HDAC9: variants seen among roughly 807,000 people sequenced by gnomAD.
HDAC9 encodes histone deacetylase 9, also known as MEF-2 interacting transcription repressor (MITR) protein.
In HDAC9, 41 loss-of-function variants were observed where a neutral mutation model predicts 139.4. The observed-to-expected ratio is 0.29, with a 90% CI of 0.23 to 0.38. HDAC9 has a LOEUF of 0.38. Among genes scored for constraint, HDAC9 ranks in the 10% least tolerant of loss-of-function variants. The pLI is 1.00. For synonymous variants in HDAC9, 517 were observed against 476.2 expected (o/e 1.09, Z -1.12); for missense variants, 1,147 against 1,297.0 (o/e 0.88, Z 1.78).
At chr7:18,786,986 C>T (rs1156311849) in intron 16 of HDAC9, among the ~76,000 whole-genome samples, 2 of 151,990 alleles carry the variant, frequency 1.3e-5, no homozygotes, top group Non-Finnish European at 2.9e-5. Context: ...AATGTGCTTC[C>T]TTCCCTCTTT....
At chr7:18,587,090 A>G (rs1829688862) in intron 3 of HDAC9, among the ~76,000 whole-genome samples, 2 of 152,198 alleles carry the variant, frequency 1.3e-5, no homozygotes, top group African/African-American at 4.8e-5. Flanking sequence ...ATACAGGGCA[A>G]TACTGATAAG....
rs369461169 is a variant in HDAC9, at chr7:18,644,655, C to T, written c.913-16C>T. ...TGATACTGTGGTATTTTGAGACTCT[C>T]CTCTTTTTTTAACAGCAAATGGTTT... On this transcript the variant is annotated splice_polypyrimidine_tract_variant and intron_variant, in intron 8 of 25. Coordinates refer to ENST00000686413, the MANE Select transcript of HDAC9 (RefSeq NM_178425.4). 8.1e-6 allele frequency: 13 copies of T among 1,600,396 alleles called. No individual in the cohort carries two copies. The highest frequency in any genetic ancestry group is 1.3e-5 in the African/African-American group (1 of 74,366).
chr7:18,149,605 C>T (rs562381912), intron 1 of HDAC9, among the ~76,000 whole-genome samples: 54 of 152,014 alleles, frequency 3.6e-4, no homozygotes, highest in Non-Finnish European at 5.9e-4. Flanking sequence ...GGCTGGAGTG[C>T]AGTGGCTTGA....
intron 1 of HDAC9, among the ~76,000 whole-genome samples, chr7:18,364,754 C>T (rs776485017): frequency 3.9e-5 from 6 of 152,030 alleles, no homozygotes; most frequent in South Asian, 2.1e-4. Context: ...AACAAACCTT[C>T]GAATTTTCCT....
At chr7:18,750,214 T>C (rs1315136205) in intron 14 of HDAC9, among the ~76,000 whole-genome samples, 3 of 152,216 alleles carry the variant, frequency 2.0e-5, no homozygotes, top group African/African-American at 7.2e-5. Context: ...CTTTTGAAGA[T>C]GCAAAGCCAT....
chr7:18,875,603 A>G (rs1799262204), intron 22 of HDAC9, among the ~76,000 whole-genome samples: 1 of 152,194 alleles, frequency 6.6e-6, no homozygotes, highest in Non-Finnish European at 1.5e-5. Flanking sequence ...TTATTTACCC[A>G]GGATTCTTTG....
rs1022229437 is a variant in HDAC9 at position 18,667,683 on chromosome 7, G to A, written c.1731+1207G>A. 1.1e-5 allele frequency: 11 copies of A among 985,098 alleles called. No individual in the cohort carries two copies. The African/African-American group carries it at 1.9e-4, about 17-fold the overall frequency. The allele number at this position is 985,098 out of a possible 1,614,324, so 61.0% of individuals were successfully genotyped here. On this transcript the variant is annotated intron_variant, in intron 12 of 25. Transcript: ENST00000686413. The stretch of plus-strand genomic sequence containing the variant: ...GAAACAGGAAGTCCAAGTGATTCAT[G>A]TACTGAGGAATGTAGGAAAAAAAAT...
At chr7:18,573,314 C>G (rs1410918999) in intron 2 of HDAC9, among the ~76,000 whole-genome samples, 1 of 152,152 alleles carries the variant, frequency 6.6e-6, no homozygotes, top group African/African-American at 2.4e-5. Flanking sequence ...TCTTTTTATT[C>G]CACGATAATG....
intron 13 of HDAC9, among the ~76,000 whole-genome samples, chr7:18,733,997 A>T (rs756142757): frequency 4.8e-4 from 73 of 152,042 alleles, no homozygotes; most frequent in Non-Finnish European, 9.1e-4. Flanking sequence ...CAATGCACAA[A>T]TTTTTTTCTA....
chr7:18,857,852 CATTCCCATTTTCAATGGGAATTTGAA>C (rs1156282470), intron 21 of HDAC9, among the ~76,000 whole-genome samples: 2 of 152,060 alleles, frequency 1.3e-5, no homozygotes, highest in Non-Finnish European at 2.9e-5. Flanking sequence ...GGGAATGTGA[CATTCCCATTTTCAATGGGAATTTGAA>C]AATATTTATC....
chr7:18,333,586 A>C (rs575927225), intron 1 of HDAC9, among the ~76,000 whole-genome samples: 2 of 151,534 alleles, frequency 1.3e-5, no homozygotes. Context: ...TAGTAACACC[A>C]TTAAGGGAAT....
chr7:18,799,897 T>A (rs1427140996), intron 17 of HDAC9, among the ~76,000 whole-genome samples: 1 of 152,112 alleles, frequency 6.6e-6, no homozygotes, highest in Admixed American at 6.6e-5. Context: ...AAAACATTAA[T>A]CAACATATTC....
chr7:18,573,071 T>A (rs1015621189), intron 2 of HDAC9, among the ~76,000 whole-genome samples: 5 of 152,222 alleles, frequency 3.3e-5, no homozygotes, highest in African/African-American at 1.2e-4. Flanking sequence ...TTTGCGGTTA[T>A]TTTTGTTTCC....
At chr7:18,866,450 C>A (rs560002679) in intron 21 of HDAC9, among the ~76,000 whole-genome samples, 16 of 152,254 alleles carry the variant, frequency 1.1e-4, no homozygotes, top group African/African-American at 3.6e-4. Flanking sequence ...GGTGGACTTT[C>A]ACATTGTTTC....
chr7:18,905,948 T>TTTCC (rs1340743749), intron 22 of HDAC9, among the ~76,000 whole-genome samples: 2 of 151,456 alleles, frequency 1.3e-5, no homozygotes, highest in Non-Finnish European at 2.9e-5. Flanking sequence ...CTCCTCTTTC[T>TTTCC]TTCCTTCATT....
intron 2 of HDAC9, among the ~76,000 whole-genome samples, chr7:18,175,118 C>A (rs1037063978): frequency 6.6e-6 from 1 of 152,190 alleles, no homozygotes; most frequent in Non-Finnish European, 1.5e-5. Context: ...CCACCTAATT[C>A]TAGCTTCCTG....
intron 24 of HDAC9, 30 bp from the exon 25 acceptor site, chr7:18,975,776 C>T (rs2129337651): frequency 1.2e-6 from 2 of 1,607,904 alleles, no homozygotes; most frequent in Non-Finnish European, 8.5e-7. Context: ...AATTACAATT[C>T]TTATGAAGTA....
At chr7:18,859,911 T>C (rs1797986225) in intron 21 of HDAC9, among the ~76,000 whole-genome samples, 1 of 145,308 alleles carries the variant, frequency 6.9e-6, no homozygotes, top group Admixed American at 6.9e-5. Flanking sequence ...GAATACTGAA[T>C]TTAATTTTTA....
At chr7:18,299,010 C>T (rs916792513) in intron 1 of HDAC9, among the ~76,000 whole-genome samples, 3 of 151,530 alleles carry the variant, frequency 2.0e-5, no homozygotes, top group Admixed American at 2.0e-4. Context: ...ATTTTGGAGC[C>T]CAACTATTCT....
Sources: gnomAD v4.1 joint callset for allele counts (sites outside exome capture counted in the v4.1 genomes callset) on GRCh38, gnomAD v4.1.1 for gene constraint, MANE v1.5 for transcripts, NCBI Gene and HGNC (gene_info 2026-07-23, HGNC 2026-07-21) for gene names.